The following NUMB variants were observed in gnomAD, a reference collection of about 807,000 sequenced individuals.
NUMB encodes the protein protein numb homolog.
A neutral mutation model predicts 59.7 loss-of-function variants in NUMB; 29 were observed. That is an observed-to-expected ratio of 0.49 (90% CI 0.36 to 0.66). The LOEUF (loss-of-function observed/expected upper bound fraction) is 0.66. Among genes scored for constraint, NUMB ranks in the 30% least tolerant of loss-of-function variants. NUMB has a pLI of 0.00. For synonymous variants in NUMB, 288 were observed against 288.2 expected, an observed-to-expected ratio of 1.00 and a Z score of 0.01; for missense variants, 723 against 822.0, an observed-to-expected ratio of 0.88 and a Z score of 1.47.
intron 4 of NUMB, among the ~76,000 whole-genome samples, chr14:73,335,067 T>G (rs1300430914): frequency 6.6e-6 from 1 of 152,006 alleles, no homozygotes; most frequent in Non-Finnish European, 1.5e-5. Flanking sequence ...TACCTGTGCT[T>G]TCTTTCATTT....
intron 7 of NUMB, among the ~76,000 whole-genome samples, chr14:73,293,783 T>A (rs960230789): frequency 6.6e-6 from 1 of 152,252 alleles, no homozygotes; most frequent in African/African-American, 2.4e-5. Context: ...TGAGTATAGT[T>A]ATAATGCCTT....
At chr14:73,452,484 C>T (rs984431219) in intron 1 of NUMB, among the ~76,000 whole-genome samples, 3 of 152,150 alleles carry the variant, frequency 2.0e-5, no homozygotes, top group African/African-American at 7.2e-5. Flanking sequence ...CATGCCACTG[C>T]ATACTCCCTC....
intron 1 of NUMB, among the ~76,000 whole-genome samples, chr14:73,428,692 C>T (rs1595028670): frequency 1.3e-5 from 2 of 151,912 alleles, no homozygotes; most frequent in Admixed American, 1.3e-4. Context: ...CAGGAGCCTG[C>T]GGCAGGAGTT....
intron 2 of NUMB, among the ~76,000 whole-genome samples, chr14:73,380,098 T>C (rs915041255): frequency 1.3e-5 from 2 of 152,210 alleles, no homozygotes; most frequent in Non-Finnish European, 2.9e-5. Context: ...GATGGTCCAC[T>C]TCCTGTTTGC....
intron 2 of NUMB, among the ~76,000 whole-genome samples, chr14:73,380,215 G>A (rs888736737): frequency 6.6e-6 from 1 of 152,154 alleles, no homozygotes; most frequent in Non-Finnish European, 1.5e-5. Flanking sequence ...CTCTGCACAT[G>A]GTAGGATTCT....
At chr14:73,453,980 AT>A (rs554717670) in intron 1 of NUMB, among the ~76,000 whole-genome samples, 140 of 151,726 alleles carry the variant, frequency 9.2e-4, no homozygotes, top group Non-Finnish European at 1.2e-3. Flanking sequence ...TAGCAAAAAA[AT>A]TTTTTTTTAA....
chr14:73,428,040 A>T (rs985235092), intron 1 of NUMB, among the ~76,000 whole-genome samples: 1 of 152,178 alleles, frequency 6.6e-6, no homozygotes, highest in Non-Finnish European at 1.5e-5. Context: ...GGAATCTCTC[A>T]TATTTAGCCT....
chr14:73,280,160 C>CAA (rs202214512), intron 11 of NUMB, among the ~76,000 whole-genome samples: 5 of 150,222 alleles, frequency 3.3e-5, no homozygotes, highest in Non-Finnish European at 7.4e-5. Context: ...CCATCTCAAA[C>CAA]AAAAAAAAAT....
At chr14:73,449,681 A>C (rs1439808266) in intron 1 of NUMB, among the ~76,000 whole-genome samples, 2 of 125,092 alleles carry the variant, frequency 1.6e-5, no homozygotes, top group Non-Finnish European at 3.3e-5. Context: ...AAATGTTTAA[A>C]ATATATGTAA....
intron 1 of NUMB, among the ~76,000 whole-genome samples, chr14:73,422,732 C>T (rs778838975): frequency 5.3e-5 from 8 of 152,048 alleles, no homozygotes; most frequent in Non-Finnish European, 1.0e-4. Context: ...CTCACGTAAA[C>T]TCACTGAGCA....
At chr14:73,438,042 G>A (rs1472566573) in intron 1 of NUMB, among the ~76,000 whole-genome samples, 1 of 152,204 alleles carries the variant, frequency 6.6e-6, no homozygotes, top group Non-Finnish European at 1.5e-5. Flanking sequence ...TGGCAAAGCT[G>A]TATATCTCAA....
chr14:73,416,008 T>C (rs1232789237), intron 1 of NUMB, among the ~76,000 whole-genome samples: 1 of 152,220 alleles, frequency 6.6e-6, no homozygotes, highest in African/African-American at 2.4e-5. Flanking sequence ...AGAACTCAAC[T>C]AAAGGCTGTT....
At chr14:73,298,836 C>T (rs1369924785) in intron 6 of NUMB, 1 of 152,106 alleles carries the variant, frequency 6.6e-6, no homozygotes, top group Non-Finnish European at 1.5e-5. Flanking sequence ...TTGATGAGTG[C>T]CTATAATATG....
At chr14:73,455,839 T>C (rs1475253927) in intron 1 of NUMB, among the ~76,000 whole-genome samples, 1 of 152,226 alleles carries the variant, frequency 6.6e-6, no homozygotes. Context: ...TGTCTGTGTA[T>C]ACTCAGGCTT....
chr14:73,443,595 C>CAAA (rs553400027), intron 1 of NUMB, among the ~76,000 whole-genome samples: 3 of 76,796 alleles, frequency 3.9e-5, no homozygotes, highest in Non-Finnish European at 5.8e-5. Flanking sequence ...AACTCCATCT[C>CAAA]AAAAAAAAAA....
At chr14:73,297,661 G>T (rs899907345) in intron 6 of NUMB, 2 of 174,406 alleles carry the variant, frequency 1.1e-5, no homozygotes, top group African/African-American at 4.8e-5. Flanking sequence ...AATACATAAG[G>T]AGTTACACCA....
At chr14:73,427,194 A>G (rs908318062) in intron 1 of NUMB, among the ~76,000 whole-genome samples, 1 of 151,978 alleles carries the variant, frequency 6.6e-6, no homozygotes, top group African/African-American at 2.4e-5. Flanking sequence ...AAAACAAGAA[A>G]GAGGCCTGGT....
rs1028630481 is a variant in NUMB at position 73,280,193 on chromosome 14, A to C, written c.1097-769T>G. ...AATTACTCTTTGTTTCCTCCTCAAA[A>C]GTTAAAATGTATATATGATTCGTTA... On this transcript the variant is annotated intron_variant, in intron 11 of 12. Coordinates refer to ENST00000555238, the MANE Select transcript of NUMB (RefSeq NM_001005743.2). 2.6e-5 allele frequency among the ~76,000 whole-genome samples: 4 copies of C among 152,270 alleles called. No individual in the cohort carries two copies. The South Asian group carries it at 8.3e-4, about 32-fold the overall frequency.
At chr14:73,428,788 G>A (rs180695807) in intron 1 of NUMB, among the ~76,000 whole-genome samples, 2 of 151,996 alleles carry the variant, frequency 1.3e-5, no homozygotes, top group East Asian at 3.9e-4. Flanking sequence ...CTCCAGCCTG[G>A]GAGACAAAGT....
Sources: gnomAD v4.1 joint callset for allele counts (sites outside exome capture counted in the v4.1 genomes callset) on GRCh38, gnomAD v4.1.1 for gene constraint, MANE v1.5 for transcripts, NCBI Gene and HGNC (gene_info 2026-07-23, HGNC 2026-07-21) for gene names.